Variants in SCEL observed in about 807,000 individuals in gnomAD.
SCEL encodes the protein sciellin.
SCEL carries 113 observed loss-of-function variants against 117.6 expected under a neutral mutation model. The ratio of observed to expected loss-of-function variants is 0.96; its 90% CI spans 0.83 to 1.12. The LOEUF (loss-of-function observed/expected upper bound fraction) is 1.12, where lower values mean the gene tolerates loss of function less well. Ranked by LOEUF, SCEL falls within the 50% of genes most tolerant of loss-of-function variation. The pLI, the probability that SCEL is intolerant of heterozygous loss-of-function variation, is 0.00. For missense variants in SCEL, 785 were observed against 810.8 expected, an observed-to-expected ratio of 0.97 and a Z score of 0.39; for synonymous variants, 270 against 256.2, an observed-to-expected ratio of 1.05 and a Z score of -0.51.
At chr13:77,577,090 A>G (rs888891587) in intron 9 of SCEL, among the ~76,000 whole-genome samples, 2 of 152,174 alleles carry the variant, frequency 1.3e-5, no homozygotes, top group African/African-American at 4.8e-5. Flanking sequence ...AAACAAAAAC[A>G]ATTTGACTTC....
chr13:77,603,238 A>G, intron 18 of SCEL, 103 bp downstream of exon 18: 1 of 600,384 alleles, frequency 1.7e-6, no homozygotes, highest in Non-Finnish European at 2.8e-6. Flanking sequence ...ATTAGCATGG[A>G]ATTAGACAAT....
Position 77,617,636 on chromosome 13 carries a change from G to T in SCEL, c.1489G>T (p.Glu497Ter). 6.3e-7 allele frequency: 1 copy of T among 1,598,302 alleles called. No individual in the cohort carries two copies. ...DLDKLIKVNP[E>*]IFTNNQRNQD... The stretch of plus-strand genomic sequence containing the variant: ...TGATAAACTCATCAAGGTGAATCCT[G>T]AAATTTTCACAAACAACCAAAGGTA... Residue 497 changes from glutamate to a stop codon, truncating the protein, a stop_gained, in exon 25 of 33, where the codon GAA (glutamate) becomes TAA (stop). Transcript: ENST00000349847. LOFTEE classifies it high-confidence loss of function.
intron 1 of SCEL, among the ~76,000 whole-genome samples, chr13:77,544,305 C>G (rs2083880611): frequency 6.6e-6 from 1 of 152,108 alleles, no homozygotes. Context: ...CCTCTATGAG[C>G]CCTTCTTTAA....
rs367778054 is a variant in SCEL, at chr13:77,640,664, A to G, written c.1839-12A>G. On this transcript the variant is annotated splice_polypyrimidine_tract_variant and intron_variant, in intron 30 of 32. Coordinates refer to ENST00000349847, the MANE Select transcript of SCEL (RefSeq NM_144777.3). ...ATGGCAAATTTATTTTTAATTGCTT[A>G]CATTTCTATAGGTCTGTCATTGAAA... 5.0e-5 allele frequency: 72 copies of G among 1,452,566 alleles called. No homozygotes were observed. The highest frequency in any genetic ancestry group is 6.5e-5 in the Non-Finnish European group (68 of 1,053,988). The allele number at this position is 1,452,566 out of a possible 1,614,324, so 90.0% of individuals were successfully genotyped here.
intron 12 of SCEL, among the ~76,000 whole-genome samples, chr13:77,594,891 C>G (rs1405121983): frequency 6.6e-6 from 1 of 152,176 alleles, no homozygotes; most frequent in Non-Finnish European, 1.5e-5. Flanking sequence ...TGTGCAAATT[C>G]ATAAACAAAA....
chr13:77,642,980 A>G (rs1339849841), intron 32 of SCEL, among the ~76,000 whole-genome samples, 172 bp downstream of exon 32: 2 of 152,184 alleles, frequency 1.3e-5, no homozygotes, highest in Non-Finnish European at 2.9e-5. Flanking sequence ...GTGTAAAATC[A>G]ATCAACTTTT....
intron 19 of SCEL, chr13:77,606,329 G>T (rs534687310): frequency 6.6e-6 from 1 of 152,304 alleles, no homozygotes; most frequent in South Asian, 2.1e-4. Flanking sequence ...GTGAGCGTAT[G>T]CGTAGTCCTT....
At chr13:77,606,038 G>A (rs1281457968) in intron 19 of SCEL, among the ~76,000 whole-genome samples, 1 of 152,148 alleles carries the variant, frequency 6.6e-6, no homozygotes, top group Non-Finnish European at 1.5e-5. Context: ...ATATGTTGGT[G>A]TGTGTATATG....
At position 77,593,291 on chromosome 13, in the gene SCEL, T is replaced by C. The variant is rs61965799; in HGVS notation, c.693-223T>C. On this transcript the variant is annotated intron_variant, in intron 11 of 32. Transcript: ENST00000349847. ...GTGTGTGTGTGTGTGTGTGTGTGTG[T>C]GTGTGTCTGTGTGTGTGTGTGTGTG... Among the ~76,000 whole-genome samples the C allele has an allele frequency of 2.0e-3, 185 of 91,852 alleles. 2 individuals carry two copies. The highest frequency in any genetic ancestry group is 3.5e-3 in the Admixed American group (31 of 8,932). 60.3% of individuals were successfully genotyped at this position (91,852 alleles called of 152,430 possible).
At position 77,612,961 on chromosome 13, in the gene SCEL, T is replaced by C. The variant is rs762065580; in HGVS notation, c.1388+20T>C. ...CAAAAGGTAAACTTATTAAGATAAT[T>C]GAAGACTTCTTAGCAAGTCACCAAT... On this transcript the variant is annotated intron_variant, in intron 23 of 32. Coordinates refer to ENST00000349847, the MANE Select transcript of SCEL (RefSeq NM_144777.3). 1.4e-6 allele frequency: 2 copies of C among 1,461,174 alleles called. No individual in the cohort carries two copies. Among genetic ancestry groups the C allele is most frequent in the South Asian group, 2.6e-5 (2 of 78,096 alleles). 90.5% of individuals were successfully genotyped at this position (1,461,174 alleles called of 1,614,324 possible). A position where few individuals can be genotyped will look rare whatever the true frequency, so the allele number is the denominator to read the frequency against.
At chr13:77,624,547 TG>T (rs1426389041) in intron 27 of SCEL, among the ~76,000 whole-genome samples, 2 of 152,164 alleles carry the variant, frequency 1.3e-5, no homozygotes, top group Non-Finnish European at 2.9e-5. Flanking sequence ...TCTGAGCTAT[TG>T]GGGGTTAGGA....
intron 1 of SCEL, among the ~76,000 whole-genome samples, chr13:77,550,388 A>ATATATATATATATATATATATATAT (rs2084242623): frequency 0.17 from 124 of 744 alleles, no homozygotes; most frequent in African/African-American, 0.21. Context: ...TTTGTCTAAA[A>ATATATATATATATATATATATATAT]TATATATATA....
intron 8 of SCEL, among the ~76,000 whole-genome samples, chr13:77,570,200 T>C (rs1227977509): frequency 1.3e-5 from 2 of 152,238 alleles, no homozygotes; most frequent in African/African-American, 4.8e-5. Flanking sequence ...ACTGGCTGAC[T>C]TTGCCATGGT....
intron 6 of SCEL, 65 bp downstream of exon 6, chr13:77,567,813 A>G (rs1318378552): frequency 2.0e-6 from 2 of 996,408 alleles, no homozygotes; most frequent in South Asian, 1.5e-5. Flanking sequence ...TTACCTATGT[A>G]CTTGCAATTC....
At chr13:77,639,256 G>A (rs781491820) in intron 30 of SCEL, among the ~76,000 whole-genome samples, 1 of 152,116 alleles carries the variant, frequency 6.6e-6, no homozygotes, top group Non-Finnish European at 1.5e-5. Flanking sequence ...GCATACATAT[G>A]TGTGTGTGTT....
intron 9 of SCEL, among the ~76,000 whole-genome samples, chr13:77,576,215 G>A (rs1180963002): frequency 6.6e-6 from 1 of 152,068 alleles, no homozygotes; most frequent in Non-Finnish European, 1.5e-5. Context: ...TGATGACCTT[G>A]CTTATATCAG....
intron 9 of SCEL, among the ~76,000 whole-genome samples, chr13:77,578,784 G>T (rs1346973299): frequency 1.3e-5 from 2 of 152,168 alleles, no homozygotes; most frequent in African/African-American, 4.8e-5. Context: ...GTTTTGAGCA[G>T]GTAGAGTCTG....
intron 1 of SCEL, among the ~76,000 whole-genome samples, chr13:77,544,008 T>C (rs931421325): frequency 3.9e-5 from 6 of 152,180 alleles, no homozygotes; most frequent in African/African-American, 1.2e-4. Flanking sequence ...TCCTGCCCTA[T>C]CCTTCCGCAA....
At chr13:77,536,386 C>A (rs916627076) in intron 1 of SCEL, among the ~76,000 whole-genome samples, 4 of 151,980 alleles carry the variant, frequency 2.6e-5, no homozygotes, top group African/African-American at 4.8e-5. Context: ...AGAAAATCAC[C>A]ATTTCTCACT....
Sources: allele counts gnomAD v4.1 joint callset (sites outside exome capture counted in the v4.1 genomes callset), GRCh38; gene constraint gnomAD v4.1.1; transcripts MANE v1.5; gene names NCBI Gene and HGNC (gene_info 2026-07-23, HGNC 2026-07-21).